SCAPER: variants seen among roughly 807,000 people sequenced by gnomAD.
SCAPER encodes the protein S-phase cyclin A associated protein in the ER.
SCAPER carries 98 observed loss-of-function variants against 182.2 expected under a neutral mutation model. The observed-to-expected ratio is 0.54, with a 90% CI of 0.46 to 0.64. SCAPER has a LOEUF of 0.64. Among genes scored for constraint, SCAPER ranks in the 30% least tolerant of loss-of-function variants. The pLI, the probability that SCAPER is intolerant of heterozygous loss-of-function variation, is 0.00. For synonymous variants in SCAPER, 605 were observed against 564.6 expected, an observed-to-expected ratio of 1.07 and a Z score of -1.01; for missense variants, 1,432 against 1,690.0, an observed-to-expected ratio of 0.85 and a Z score of 2.68.
intron 14 of SCAPER, among the ~76,000 whole-genome samples, chr15:76,763,094 A>AT (rs1414745192): frequency 2.6e-5 from 4 of 151,992 alleles, no homozygotes; most frequent in East Asian, 3.9e-4. Flanking sequence ...GGTGTTTATC[A>AT]TTTTTTCTAT....
chr15:76,581,907 TCAA>T (rs1301572903), intron 22 of SCAPER, among the ~76,000 whole-genome samples: 1 of 152,040 alleles, frequency 6.6e-6, no homozygotes, highest in Non-Finnish European at 1.5e-5. Context: ...TTGATAAAAT[TCAA>T]CATTCATTCA....
At chr15:76,726,156 A>ATATATAAAT (rs56986282) in intron 17 of SCAPER, among the ~76,000 whole-genome samples, 1 of 79,724 alleles carries the variant, frequency 1.3e-5, no homozygotes, top group Non-Finnish European at 2.3e-5. Context: ...TATATATATA[A>ATATATAAAT]AAAACTCTAT....
At chr15:76,376,397 T>A in intron 28 of SCAPER, 86 bp from the exon 29 acceptor site, 1 of 1,397,868 alleles carries the variant, frequency 7.2e-7, no homozygotes, top group Non-Finnish European at 9.6e-7. Flanking sequence ...CCCTGTGTAC[T>A]TTCTGCCATG....
intron 23 of SCAPER, among the ~76,000 whole-genome samples, chr15:76,529,870 T>C (rs1406040018): frequency 6.6e-6 from 1 of 152,186 alleles, no homozygotes; most frequent in African/African-American, 2.4e-5. Flanking sequence ...CTGAATATGA[T>C]GAGGAGTCAC....
chr15:76,444,004 G>T (rs2047810311), intron 25 of SCAPER, among the ~76,000 whole-genome samples: 1 of 152,204 alleles, frequency 6.6e-6, no homozygotes, highest in Non-Finnish European at 1.5e-5. Context: ...GAGGGTGAAA[G>T]AATGATAACA....
At chr15:76,825,502 C>T (rs1246051404) in intron 5 of SCAPER, among the ~76,000 whole-genome samples, 1 of 151,990 alleles carries the variant, frequency 6.6e-6, no homozygotes, top group African/African-American at 2.4e-5. Flanking sequence ...CCATATTTGT[C>T]CATAGTAACA....
chr15:76,545,187 T>C (rs2045156742), intron 23 of SCAPER, among the ~76,000 whole-genome samples: 2 of 152,192 alleles, frequency 1.3e-5, no homozygotes, highest in Admixed American at 1.3e-4. Flanking sequence ...AAAACCATAG[T>C]CATTATTCTT....
At chr15:76,709,224 A>C (rs1241129077) in intron 17 of SCAPER, among the ~76,000 whole-genome samples, 2 of 152,048 alleles carry the variant, frequency 1.3e-5, no homozygotes, top group African/African-American at 4.8e-5. Flanking sequence ...CTCCACCTCC[A>C]GGGTTCAAGC....
chr15:76,823,285 T>A (rs1229820987), intron 5 of SCAPER, among the ~76,000 whole-genome samples: 1 of 151,594 alleles, frequency 6.6e-6, no homozygotes, highest in Non-Finnish European at 1.5e-5. Flanking sequence ...ATGGTGAAAC[T>A]CCATCTCTAC....
chr15:76,509,486 A>G (rs1031436197), intron 23 of SCAPER, among the ~76,000 whole-genome samples: 1 of 152,158 alleles, frequency 6.6e-6, no homozygotes, highest in Non-Finnish European at 1.5e-5. Context: ...CTGCTTCCCA[A>G]ACTCTATCGA....
chr15:76,720,375 G>T (rs1028785622), intron 17 of SCAPER, among the ~76,000 whole-genome samples: 1 of 152,034 alleles, frequency 6.6e-6, no homozygotes, highest in Non-Finnish European at 1.5e-5. Context: ...TGTGGATAGT[G>T]CCACAATAAA....
chr15:76,798,359 T>TAAAAA (rs35527740), intron 7 of SCAPER, among the ~76,000 whole-genome samples: 1 of 110,466 alleles, frequency 9.1e-6, no homozygotes, highest in Admixed American at 9.5e-5. Flanking sequence ...GACTATATCT[T>TAAAAA]AAAAAAAAAA....
intron 21 of SCAPER, among the ~76,000 whole-genome samples, chr15:76,654,275 G>A (rs952048582): frequency 6.6e-6 from 1 of 152,234 alleles, no homozygotes; most frequent in Middle Eastern, 3.4e-3. Flanking sequence ...GGGCATGGTG[G>A]TGGGCGCCTG....
chr15:76,571,091 T>C (rs1404584749), intron 23 of SCAPER, among the ~76,000 whole-genome samples: 1 of 152,144 alleles, frequency 6.6e-6, no homozygotes, highest in Non-Finnish European at 1.5e-5. Flanking sequence ...ATACTTTTAC[T>C]TTCATCACCT....
chr15:76,812,080 G>A (rs1000194374), intron 5 of SCAPER, among the ~76,000 whole-genome samples: 23 of 152,094 alleles, frequency 1.5e-4, no homozygotes, highest in African/African-American at 2.4e-4. Context: ...TTGGGAGGCC[G>A]AGGCAGGCAG....
chr15:76,790,629 A>G (rs1441498357), intron 8 of SCAPER, among the ~76,000 whole-genome samples: 2 of 152,114 alleles, frequency 1.3e-5, no homozygotes, highest in Non-Finnish European at 2.9e-5. Context: ...ATCTCTAGCA[A>G]TATCCTCTAT....
intron 21 of SCAPER, among the ~76,000 whole-genome samples, chr15:76,655,020 C>T (rs1452962375): frequency 1.3e-5 from 2 of 152,176 alleles, no homozygotes; most frequent in Non-Finnish European, 2.9e-5. Context: ...AACAACAGCA[C>T]TAATTCTTAA....
At chr15:76,584,319 T>C (rs1364363960) in intron 22 of SCAPER, among the ~76,000 whole-genome samples, 1 of 152,154 alleles carries the variant, frequency 6.6e-6, no homozygotes, top group African/African-American at 2.4e-5. Context: ...AACATATAGT[T>C]AGATAGAATG....
intron 24 of SCAPER, among the ~76,000 whole-genome samples, chr15:76,475,729 G>A (rs528002788): frequency 5.4e-4 from 82 of 152,296 alleles, no homozygotes; most frequent in Non-Finnish European, 1.1e-3. Context: ...AGAAGTTGGA[G>A]ACCCAGCGAC....
Sources: allele counts gnomAD v4.1 joint callset (sites outside exome capture counted in the v4.1 genomes callset), GRCh38; gene constraint gnomAD v4.1.1; transcripts MANE v1.5; gene names NCBI Gene and HGNC (gene_info 2026-07-23, HGNC 2026-07-21).